Variants in SENP7 observed in about 807,000 individuals in gnomAD.
SENP7 encodes sentrin-specific protease 7.
Under a neutral mutation model 141.2 loss-of-function variants are expected in SENP7, and 64 were observed. The observed-to-expected ratio is 0.45, with a 90% CI of 0.37 to 0.56. The LOEUF (loss-of-function observed/expected upper bound fraction) is 0.56. SENP7 is among the 20% of genes least tolerant of loss of function. The probability of loss-of-function intolerance (pLI) is 0.00; values close to 1 mark genes in which losing one functional copy is unlikely to be tolerated. For synonymous variants in SENP7, 382 were observed against 426.4 expected (o/e 0.90, Z 1.28); for missense variants, 1,025 against 1,212.2 (o/e 0.85, Z 2.29).
chr3:101,426,213 C>A (rs905905258), intron 4 of SENP7, among the ~76,000 whole-genome samples: 2 of 152,116 alleles, frequency 1.3e-5, no homozygotes, highest in Non-Finnish European at 2.9e-5. Flanking sequence ...TAGCAGAGAA[C>A]CCGAGTAAGA....
intron 6 of SENP7, among the ~76,000 whole-genome samples, chr3:101,387,551 C>T (rs2060693251): frequency 6.6e-6 from 1 of 152,176 alleles, no homozygotes; most frequent in Non-Finnish European, 1.5e-5. Flanking sequence ...GGGGCCTTCC[C>T]TGCCCACCAC....
intron 3 of SENP7, among the ~76,000 whole-genome samples, chr3:101,489,465 G>C (rs1037553912): frequency 8.0e-6 from 1 of 125,544 alleles, no homozygotes; most frequent in Admixed American, 8.0e-5. Context: ...GAAAGAGACA[G>C]ATCTACCATG....
chr3:101,427,853 C>T (rs754445255), intron 4 of SENP7, among the ~76,000 whole-genome samples: 3 of 152,108 alleles, frequency 2.0e-5, no homozygotes, highest in South Asian at 2.1e-4. Context: ...CCCAGCCCCC[C>T]ACTCCCCAAC....
intron 13 of SENP7, chr3:101,347,591 G>A (rs575979439): frequency 5.3e-5 from 9 of 171,082 alleles, no homozygotes; most frequent in Admixed American, 1.3e-4. Flanking sequence ...GCACGGTGGC[G>A]GGCACCTGTA....
intron 1 of SENP7, among the ~76,000 whole-genome samples, chr3:101,502,216 C>T (rs2065410655): frequency 6.6e-6 from 1 of 152,178 alleles, no homozygotes; most frequent in Non-Finnish European, 1.5e-5. Flanking sequence ...AGATATGCCA[C>T]CTTGAACCTT....
At chr3:101,457,712 C>T in intron 4 of SENP7, 1 of 1,040,118 alleles carries the variant, frequency 9.6e-7, no homozygotes, top group Non-Finnish European at 1.5e-6. Context: ...TTTCCTGATT[C>T]ATGATTGTTT....
intron 6 of SENP7, among the ~76,000 whole-genome samples, chr3:101,376,996 C>T (rs1311756648): frequency 6.6e-6 from 1 of 151,804 alleles, no homozygotes; most frequent in African/African-American, 2.4e-5. Context: ...AGAAGAAAAA[C>T]ACTATATTTA....
At chr3:101,435,898 T>C (rs1469553813) in intron 4 of SENP7, among the ~76,000 whole-genome samples, 2 of 152,142 alleles carry the variant, frequency 1.3e-5, no homozygotes, top group African/African-American at 4.8e-5. Flanking sequence ...ACCAGTGACA[T>C]TCTTCACAGA....
At chr3:101,396,428 G>GC (rs2060970096) in intron 6 of SENP7, among the ~76,000 whole-genome samples, 1 of 151,552 alleles carries the variant, frequency 6.6e-6, no homozygotes, top group African/African-American at 2.4e-5. Flanking sequence ...CACATCATAA[G>GC]TTTTTTCTTT....
intron 14 of SENP7, among the ~76,000 whole-genome samples, chr3:101,342,789 C>A (rs937758572): frequency 6.6e-6 from 1 of 151,990 alleles, no homozygotes; most frequent in African/African-American, 2.4e-5. Flanking sequence ...CCTCAGCCGC[C>A]TGAGTAACTG....
At chr3:101,426,886 T>A (rs946132729) in intron 4 of SENP7, among the ~76,000 whole-genome samples, 1 of 152,080 alleles carries the variant, frequency 6.6e-6, no homozygotes, top group Admixed American at 6.6e-5. Context: ...AAGGAAACAA[T>A]GTTACCAGCC....
At chr3:101,358,558 A>G (rs2059806635) in intron 11 of SENP7, 1 of 240,542 alleles carries the variant, frequency 4.2e-6, no homozygotes. Context: ...AACCCTTATT[A>G]CACATAATTC....
chr3:101,513,212 G>GAC, upstream of SENP7: 1 of 134,522 alleles, frequency 7.4e-6, no homozygotes, highest in Non-Finnish European at 1.3e-5. Flanking sequence ...GGAGGGGAAA[G>GAC]GAAAAAAAAA....
At chr3:101,411,837 T>A (rs1229728165) in intron 5 of SENP7, among the ~76,000 whole-genome samples, 1 of 152,336 alleles carries the variant, frequency 6.6e-6, no homozygotes, top group Non-Finnish European at 1.5e-5. Context: ...ACTAATACTA[T>A]GAAATCCCAC....
At chr3:101,483,051 T>C (rs2064564025) in intron 3 of SENP7, among the ~76,000 whole-genome samples, 1 of 152,192 alleles carries the variant, frequency 6.6e-6, no homozygotes, top group African/African-American at 2.4e-5. Flanking sequence ...CTCAAAGAAC[T>C]TAAAATAGAC....
At chr3:101,447,223 T>C (rs1459281922) in intron 4 of SENP7, among the ~76,000 whole-genome samples, 1 of 151,968 alleles carries the variant, frequency 6.6e-6, no homozygotes, top group Non-Finnish European at 1.5e-5. Context: ...GGAAGGAGGA[T>C]TGCTTGAGAC....
chr3:101,384,810 A>G (rs1264754259), intron 6 of SENP7, among the ~76,000 whole-genome samples: 1 of 152,172 alleles, frequency 6.6e-6, no homozygotes, highest in Admixed American at 6.5e-5. Flanking sequence ...AAGCAACACC[A>G]CAAGGATCCT....
intron 4 of SENP7, among the ~76,000 whole-genome samples, chr3:101,450,477 A>G (rs2063085851): frequency 6.6e-6 from 1 of 152,218 alleles, no homozygotes; most frequent in Non-Finnish European, 1.5e-5. Context: ...AGCACTCCTC[A>G]GCAAATGTAA....
At chr3:101,428,186 A>T (rs1157362032) in intron 4 of SENP7, among the ~76,000 whole-genome samples, 1 of 152,346 alleles carries the variant, frequency 6.6e-6, no homozygotes. Context: ...CAGTAGAATG[A>T]TCTATAATCC....
Sources: gnomAD v4.1 joint callset for allele counts (sites outside exome capture counted in the v4.1 genomes callset) on GRCh38, gnomAD v4.1.1 for gene constraint, MANE v1.5 for transcripts, NCBI Gene and HGNC (gene_info 2026-07-23, HGNC 2026-07-21) for gene names.